The following ARHGAP26 variants were observed in gnomAD, a reference collection of about 807,000 sequenced individuals.
ARHGAP26 encodes the protein rho GTPase-activating protein 26.
A neutral mutation model predicts 104.8 loss-of-function variants in ARHGAP26; 38 were observed. That is an observed-to-expected ratio of 0.36 (90% confidence interval 0.28 to 0.48). The LOEUF (loss-of-function observed/expected upper bound fraction) is 0.48. ARHGAP26 is among the 20% of genes least tolerant of loss of function. The probability of loss-of-function intolerance (pLI) is 0.99; values close to 1 mark genes in which losing one functional copy is unlikely to be tolerated. For missense variants in ARHGAP26, 704 were observed against 947.9 expected, an observed-to-expected ratio of 0.74 and a Z score of 3.38; for synonymous variants, 341 against 340.0, an observed-to-expected ratio of 1.00 and a Z score of -0.03.
intron 10 of ARHGAP26, among the ~76,000 whole-genome samples, chr5:142,924,663 ATAT>A (rs1342909166): frequency 1.3e-5 from 2 of 152,164 alleles, no homozygotes; most frequent in African/African-American, 4.8e-5. Flanking sequence ...TTATCATGGC[ATAT>A]TATTAATTCT....
intron 1 of ARHGAP26, among the ~76,000 whole-genome samples, chr5:142,804,322 C>CT (rs1762590206): frequency 6.6e-6 from 1 of 152,094 alleles, no homozygotes; most frequent in Non-Finnish European, 1.5e-5. Flanking sequence ...CCGAGGCTGA[C>CT]TAGGGTGAAT....
chr5:142,839,919 G>A (rs1770419101), intron 1 of ARHGAP26, among the ~76,000 whole-genome samples: 1 of 148,488 alleles, frequency 6.7e-6, no homozygotes, highest in Non-Finnish European at 1.5e-5. Flanking sequence ...GGAGGGGAGG[G>A]GAGAGAGAGA....
chr5:143,138,071 A>G (rs903508351), intron 19 of ARHGAP26, among the ~76,000 whole-genome samples: 2 of 152,068 alleles, frequency 1.3e-5, no homozygotes, highest in Non-Finnish European at 2.9e-5. Flanking sequence ...TGAGTAGACC[A>G]GTTGTGTGCC....
chr5:143,208,998 C>CT (rs1224070634), intron 21 of ARHGAP26, among the ~76,000 whole-genome samples: 1 of 152,202 alleles, frequency 6.6e-6, no homozygotes, highest in Non-Finnish European at 1.5e-5. Flanking sequence ...CCAGAGGAAA[C>CT]TAAGTGACCA....
intron 4 of ARHGAP26, among the ~76,000 whole-genome samples, chr5:142,883,498 T>A (rs1598070893): frequency 6.6e-6 from 1 of 152,370 alleles, no homozygotes; most frequent in East Asian, 1.9e-4. Context: ...AAACTCAGAT[T>A]CATGGAAATG....
Position 143,224,180 on chromosome 5 carries a change from A to T in ARHGAP26, c.*1734A>T, listed in dbSNP as rs1394791728. On this transcript the variant is annotated 3_prime_UTR_variant, in exon 23 of 23. Transcript: ENST00000645722. Reference sequence around the variant, plus strand: ...ACTATATGGCAAAGTTTTATATTTGATATTCTTTAAGTTAGTTGCTCACAC... The same window carrying T: ...ACTATATGGCAAAGTTTTATATTTGTTATTCTTTAAGTTAGTTGCTCACAC... 4.3e-6 allele frequency: 1 copy of T among 230,222 alleles called. No individual in the cohort carries two copies. Among genetic ancestry groups the T allele is most frequent in the Admixed American group, 5.7e-5 (1 of 17,642 alleles). 14.3% of individuals were successfully genotyped at this position (230,222 alleles called of 1,614,324 possible). A position where few individuals can be genotyped will look rare whatever the true frequency, so the allele number is the denominator to read the frequency against.
intron 19 of ARHGAP26, among the ~76,000 whole-genome samples, chr5:143,146,961 C>G (rs1799236745): frequency 6.6e-6 from 1 of 152,142 alleles, no homozygotes; most frequent in Admixed American, 6.5e-5. Flanking sequence ...AGTAGGGCCA[C>G]TCTTAGAAAA....
intron 11 of ARHGAP26, among the ~76,000 whole-genome samples, chr5:143,013,659 C>T (rs1321541742): frequency 6.6e-6 from 1 of 152,214 alleles, no homozygotes; most frequent in African/African-American, 2.4e-5. Flanking sequence ...ATCTGTGAAA[C>T]AGTGATAATA....
chr5:143,226,276 T>C lies in ARHGAP26; in HGVS notation c.*3830T>C, dbSNP rs956198135. 2.3e-5 allele frequency: 4 copies of C among 176,620 alleles called. No individual in the cohort carries two copies. The highest frequency in any genetic ancestry group is 9.5e-5 in the African/African-American group (4 of 42,166). The allele number at this position is 176,620 out of a possible 1,614,324, so 10.9% of individuals were successfully genotyped here. A position where few individuals can be genotyped will look rare whatever the true frequency, so the allele number is the denominator to read the frequency against. ...GCGGGCGGATCACGAGGTCAGGAGA[T>C]TGAGACCATCCTGGCTACGACGGTG... On this transcript the variant is annotated 3_prime_UTR_variant, in exon 23 of 23. Transcript: ENST00000645722.
intron 17 of ARHGAP26, among the ~76,000 whole-genome samples, chr5:143,090,685 A>G (rs1791286350): frequency 6.6e-6 from 1 of 152,184 alleles, no homozygotes; most frequent in Admixed American, 6.5e-5. Flanking sequence ...GGGTTAGCTG[A>G]TGGGGGAGGG....
intron 1 of ARHGAP26, among the ~76,000 whole-genome samples, chr5:142,850,556 G>C (rs1751318789): frequency 1.3e-5 from 2 of 152,188 alleles, no homozygotes; most frequent in Non-Finnish European, 2.9e-5. Context: ...GAAGTTATTA[G>C]CTATATAAGG....
intron 18 of ARHGAP26, 25 bp from the exon 19 acceptor site, chr5:143,133,942 C>G: frequency 6.3e-7 from 1 of 1,596,142 alleles, no homozygotes; most frequent in Non-Finnish European, 8.6e-7. Context: ...ATGTGAGTAA[C>G]CTTGTTGTGA....
At chr5:143,209,735 C>A (rs767623708) in intron 21 of ARHGAP26, among the ~76,000 whole-genome samples, 5 of 151,262 alleles carry the variant, frequency 3.3e-5, no homozygotes, top group Non-Finnish European at 5.9e-5. Context: ...GAGCCAAGAT[C>A]GTGCCATTGC....
At chr5:142,782,139 C>T (rs1307781909) in intron 1 of ARHGAP26, among the ~76,000 whole-genome samples, 1 of 152,116 alleles carries the variant, frequency 6.6e-6, no homozygotes, top group African/African-American at 2.4e-5. Flanking sequence ...CCTTCTTAGG[C>T]CTTGGGAGGA....
intron 10 of ARHGAP26, among the ~76,000 whole-genome samples, chr5:142,925,375 T>TG (rs1406951933): frequency 1.3e-5 from 2 of 152,220 alleles, no homozygotes; most frequent in Non-Finnish European, 2.9e-5. Context: ...AAGTCTATTT[T>TG]CCTTGGATTA....
chr5:143,209,800 A>T (rs1490299136), intron 21 of ARHGAP26, among the ~76,000 whole-genome samples: 2 of 151,868 alleles, frequency 1.3e-5, no homozygotes, highest in Admixed American at 1.3e-4. Flanking sequence ...AAAAATAGTC[A>T]AGGCAGAGTT....
At chr5:143,021,568 T>C (rs1780338341) in intron 12 of ARHGAP26, among the ~76,000 whole-genome samples, 1 of 152,220 alleles carries the variant, frequency 6.6e-6, no homozygotes, top group Admixed American at 6.5e-5. Context: ...AGGAGTAATG[T>C]GTGGCTGGTG....
chr5:142,783,579 G>A (rs558747037), intron 1 of ARHGAP26, among the ~76,000 whole-genome samples: 1 of 152,322 alleles, frequency 6.6e-6, no homozygotes, highest in East Asian at 1.9e-4. Flanking sequence ...AGAGAGACTG[G>A]GTGATGGCTC....
intron 12 of ARHGAP26, among the ~76,000 whole-genome samples, chr5:143,018,454 T>A (rs1447077510): frequency 2.6e-5 from 4 of 152,244 alleles, no homozygotes; most frequent in Non-Finnish European, 5.9e-5. Flanking sequence ...TGTTTTCTTT[T>A]ATTGGCTTTA....
Sources: allele counts gnomAD v4.1 joint callset (sites outside exome capture counted in the v4.1 genomes callset), GRCh38; gene constraint gnomAD v4.1.1; transcripts MANE v1.5; gene names NCBI Gene and HGNC (gene_info 2026-07-23, HGNC 2026-07-21).